Variants in VPS13A observed in about 807,000 individuals in gnomAD.
VPS13A encodes intermembrane lipid transfer protein VPS13A.
Under a neutral mutation model 390.9 loss-of-function variants are expected in VPS13A, and 264 were observed. The observed-to-expected ratio is 0.68, with a 90% CI of 0.61 to 0.75. The LOEUF is 0.75. Among genes scored for constraint, VPS13A ranks in the 30% least tolerant of loss-of-function variants. The pLI is 0.00. For missense variants in VPS13A, 3,409 were observed against 3,733.9 expected, an observed-to-expected ratio of 0.91 and a Z score of 2.27; for synonymous variants, 1,231 against 1,227.1, an observed-to-expected ratio of 1.00 and a Z score of -0.07.
intron 44 of VPS13A, among the ~76,000 whole-genome samples, chr9:77,322,765 A>G (rs1829819188): frequency 1.3e-5 from 2 of 152,116 alleles, no homozygotes; most frequent in Admixed American, 1.3e-4. Context: ...TGCTCTGGTT[A>G]TTCTGACAGC....
At chr9:77,225,190 A>G (rs963700028) in intron 13 of VPS13A, among the ~76,000 whole-genome samples, 4 of 152,198 alleles carry the variant, frequency 2.6e-5, no homozygotes, top group Admixed American at 6.5e-5. Flanking sequence ...CTGAATCTGC[A>G]GTATCTCTGA....
At chr9:77,202,443 C>T (rs969058525) in intron 3 of VPS13A, among the ~76,000 whole-genome samples, 1 of 151,922 alleles carries the variant, frequency 6.6e-6, no homozygotes, top group African/African-American at 2.4e-5. Context: ...TTTTCATTAG[C>T]GTATAAAAAG....
intron 34 of VPS13A, among the ~76,000 whole-genome samples, chr9:77,307,741 A>G (rs562647099): frequency 6.6e-6 from 1 of 152,336 alleles, no homozygotes; most frequent in African/African-American, 2.4e-5. Context: ...TGGTATTAAC[A>G]CCTAATTTAG....
chr9:77,373,367 C>G (rs1324553848), intron 67 of VPS13A, among the ~76,000 whole-genome samples: 6 of 142,100 alleles, frequency 4.2e-5, no homozygotes, highest in South Asian at 2.5e-4. Flanking sequence ...ACAAACCTGA[C>G]AAAAACAAGC....
chr9:77,268,672 G>T (rs1018604911), intron 23 of VPS13A, among the ~76,000 whole-genome samples: 6 of 152,142 alleles, frequency 3.9e-5, no homozygotes, highest in African/African-American at 1.2e-4. Flanking sequence ...GGGCGTGGTG[G>T]CTCACATCTG....
chr9:77,220,500 T>C (rs1823146955), intron 12 of VPS13A, 117 bp downstream of exon 12: 3 of 720,200 alleles, frequency 4.2e-6, no homozygotes, highest in African/African-American at 3.6e-5. Flanking sequence ...ATACAAACCA[T>C]AATTGATTTA....
At chr9:77,376,782 A>ATT (rs1462247257) in intron 67 of VPS13A, among the ~76,000 whole-genome samples, 1 of 152,212 alleles carries the variant, frequency 6.6e-6, no homozygotes, top group Non-Finnish European at 1.5e-5. Flanking sequence ...TGAGCCTATA[A>ATT]TAAGGTATTT....
chr9:77,205,263 T>A, intron 3 of VPS13A, 50 bp from the exon 4 acceptor site: 3 of 1,044,212 alleles, frequency 2.9e-6, no homozygotes, highest in Non-Finnish European at 4.2e-6. Context: ...TAAATGCAGG[T>A]TGAAGGAGTA....
chr9:77,387,817 A>G (rs1166702907), intron 68 of VPS13A, among the ~76,000 whole-genome samples: 1 of 152,174 alleles, frequency 6.6e-6, no homozygotes, highest in East Asian at 1.9e-4. Flanking sequence ...TTTTAAGTTC[A>G]TGTTATTTAA....
chr9:77,182,093 T>C (rs1216853000), intron 1 of VPS13A, among the ~76,000 whole-genome samples: 1 of 152,206 alleles, frequency 6.6e-6, no homozygotes, highest in African/African-American at 2.4e-5. Flanking sequence ...AATTTTCTTT[T>C]TCTTTTTCTT....
intron 37 of VPS13A, 79 bp from the exon 38 acceptor site, chr9:77,315,174 A>C: frequency 8.1e-7 from 1 of 1,237,840 alleles, no homozygotes; most frequent in South Asian, 1.2e-5. Context: ...AAGAGATAAG[A>C]GGTCTTTGAG....
chr9:77,208,348 T>C (rs1825794046), intron 5 of VPS13A, among the ~76,000 whole-genome samples: 1 of 152,112 alleles, frequency 6.6e-6, no homozygotes, highest in African/African-American at 2.4e-5. Flanking sequence ...AATTTGAGAG[T>C]AATAGGCAAT....
Position 77,316,348 on chromosome 9 carries a change from A to T in VPS13A, c.4805A>T (p.Asp1602Val). 6 of 1,613,226 alleles carry T rather than the reference A, an allele frequency of 3.7e-6. No homozygotes were observed. The highest frequency in any genetic ancestry group is 5.1e-6 in the Non-Finnish European group (6 of 1,179,390). The stretch of plus-strand genomic sequence containing the variant: ...AGTACAATGACTGCTGCCATTAAAG[A>T]TCTCCAAGTGAGAGCCTGCCCGTTT... ...ENSTMTAAIK[D>V]LQVRACPFLP... The change falls in exon 39 of 72, where the codon GAT becomes GTT. Residue 1602 changes from aspartate to valine, a missense_variant. Coordinates refer to ENST00000360280, the MANE Select transcript of VPS13A (RefSeq NM_033305.3).
chr9:77,371,137 A>C lies in VPS13A; in HGVS notation c.9065A>C (p.Gln3022Pro). The change falls in exon 67 of 72, where the codon CAG becomes CCG. Residue 3022 changes from glutamine to proline, a missense_variant. Physicochemically the swap from Gln to Pro is moderately conservative, Grantham distance 76. Coordinates refer to ENST00000360280, the MANE Select transcript of VPS13A (RefSeq NM_033305.3). ...ATAGACATGGCTAGCAGTACATTTC[A>C]GGGAATAAAAAGGTAAATCCTCTTT... Reference protein sequence around the residue: ...GIIDMASSTFQGIKRATETSE... With the variant: ...GIIDMASSTFPGIKRATETSE... The C allele has an allele frequency of 6.2e-7, 1 of 1,614,076 alleles. No individual in the cohort carries two copies. The highest frequency in any genetic ancestry group is 1.1e-5 in the South Asian group (1 of 91,078).
chr9:77,262,037 T>C (rs1485722589), intron 23 of VPS13A, among the ~76,000 whole-genome samples: 1 of 152,242 alleles, frequency 6.6e-6, no homozygotes, highest in Non-Finnish European at 1.5e-5. Context: ...CATACTTTCC[T>C]AAGTTTACTA....
intron 59 of VPS13A, among the ~76,000 whole-genome samples, chr9:77,362,788 T>A (rs576125989): frequency 6.6e-6 from 1 of 152,338 alleles, no homozygotes; most frequent in South Asian, 2.1e-4. Context: ...TAATTTTTTT[T>A]AACAATGTTT....
intron 42 of VPS13A, 109 bp downstream of exon 42, chr9:77,319,782 G>C (rs1261818774): frequency 6.7e-6 from 4 of 594,710 alleles, no homozygotes; most frequent in Non-Finnish European, 1.1e-5. Flanking sequence ...AGAAGGAACA[G>C]AGATTTCCCG....
chr9:77,284,714 T>A (rs1454481251), intron 31 of VPS13A, among the ~76,000 whole-genome samples: 1 of 151,990 alleles, frequency 6.6e-6, no homozygotes, highest in Admixed American at 6.6e-5. Context: ...TTTATTTTTT[T>A]ATTTTTTTTG....
At chr9:77,225,874 T>G (rs1823477350) in intron 13 of VPS13A, 52 bp from the exon 14 acceptor site, 3 of 1,402,620 alleles carry the variant, frequency 2.1e-6, no homozygotes, top group Non-Finnish European at 3.0e-6. Flanking sequence ...CTTAAGTTAA[T>G]TATGTAAAGT....
Sources: gnomAD v4.1 joint callset for allele counts (sites outside exome capture counted in the v4.1 genomes callset) on GRCh38, gnomAD v4.1.1 for gene constraint, MANE v1.5 for transcripts, NCBI Gene and HGNC (gene_info 2026-07-23, HGNC 2026-07-21) for gene names.